CPO: variants seen among roughly 807,000 people sequenced by gnomAD.
CPO encodes carboxypeptidase O.
In CPO, 43 loss-of-function variants were observed where a neutral mutation model predicts 41.2. The observed-to-expected ratio is 1.04, with a 90% CI of 0.82 to 1.35. The LOEUF (loss-of-function observed/expected upper bound fraction) is 1.35. CPO is among the 40% of genes most tolerant of loss of function. CPO has a pLI of 0.00. For synonymous variants in CPO, 178 were observed against 162.7 expected (o/e 1.09, Z -0.72); for missense variants, 408 against 451.7 (o/e 0.90, Z 0.88).
Position 206,960,842 on chromosome 2 carries a change from T to G in CPO, c.484-10T>G, listed in dbSNP as rs1217317913. The stretch of plus-strand genomic sequence containing the variant: ...TAGAACAGCAACATCCGTATGTTCC[T>G]CTGCTACAGGATCGTCTTTGGAGGA... On this transcript the variant is annotated splice_polypyrimidine_tract_variant and intron_variant, in intron 5 of 8. Transcript: ENST00000272852. 1.3e-6 allele frequency: 2 copies of G among 1,594,636 alleles called. No individual in the cohort carries two copies. Among genetic ancestry groups the G allele is most frequent in the East Asian group, 4.5e-5 (2 of 44,766 alleles).
At chr2:206,966,348 A>G (rs760731486) in intron 7 of CPO, among the ~76,000 whole-genome samples, 2 of 151,962 alleles carry the variant, frequency 1.3e-5, no homozygotes, top group Non-Finnish European at 1.5e-5. Flanking sequence ...ATGGAGTTCC[A>G]TTTAAAAAAA....
intron 3 of CPO, among the ~76,000 whole-genome samples, chr2:206,956,067 C>T: frequency 6.6e-6 from 1 of 152,066 alleles, no homozygotes; most frequent in East Asian, 1.9e-4. Context: ...TCAGCACAGC[C>T]AGGGGGATAA....
intron 2 of CPO, among the ~76,000 whole-genome samples, chr2:206,953,114 A>C (rs1693296146): frequency 6.6e-6 from 1 of 152,190 alleles, no homozygotes; most frequent in Non-Finnish European, 1.5e-5. Flanking sequence ...GGACACAACC[A>C]AACCATATAT....
At chr2:206,962,663 G>T in intron 7 of CPO, 49 bp downstream of exon 7, 3 of 1,459,688 alleles carry the variant, frequency 2.1e-6, no homozygotes, top group Non-Finnish European at 2.9e-6. Context: ...CAAGACCTCT[G>T]CCTTCCTTTT....
At chr2:206,952,852 TG>T (rs896874027) in intron 2 of CPO, among the ~76,000 whole-genome samples, 2 of 152,148 alleles carry the variant, frequency 1.3e-5, no homozygotes, top group African/African-American at 2.4e-5. Context: ...TCCACATGGC[TG>T]GGGAGGCCTC....
Position 206,962,397 on chromosome 2 carries a change from T to C in CPO, c.575-15T>C. On this transcript the variant is annotated splice_polypyrimidine_tract_variant and intron_variant, in intron 6 of 8. Coordinates refer to ENST00000272852, the MANE Select transcript of CPO (RefSeq NM_173077.3). ...AGATCATGCAGCCTTCTTTGTGGTT[T>C]CTTCCATATTCTAGGTATTGGTGCC... The C allele has an allele frequency of 6.2e-7, 1 of 1,611,692 alleles. No individual in the cohort carries two copies. Among genetic ancestry groups the C allele is most frequent in the Non-Finnish European group, 8.5e-7 (1 of 1,177,852 alleles).
chr2:206,941,375 T>G (rs1693027044), intron 1 of CPO, among the ~76,000 whole-genome samples: 1 of 152,106 alleles, frequency 6.6e-6, no homozygotes, highest in Non-Finnish European at 1.5e-5. Flanking sequence ...TATATAAATC[T>G]AATGGAGTAC....
intron 5 of CPO, among the ~76,000 whole-genome samples, chr2:206,960,057 A>G (rs772687933): frequency 6.6e-6 from 1 of 152,202 alleles, no homozygotes; most frequent in Non-Finnish European, 1.5e-5. Flanking sequence ...ATAAAAATTC[A>G]TGTACCAACT....
chr2:206,945,311 T>A (rs1428855591), intron 1 of CPO, among the ~76,000 whole-genome samples: 1 of 152,210 alleles, frequency 6.6e-6, no homozygotes, highest in Non-Finnish European at 1.5e-5. Context: ...TACAAAAGTT[T>A]GTACCCCAAC....
rs57046275 is a variant in CPO at position 206,966,363 on chromosome 2, T to A, written c.778-1900T>A. Among the ~76,000 whole-genome samples, 181 of 150,772 alleles carry A rather than the reference T, an allele frequency of 1.2e-3. 1 individual carries two copies. In the East Asian group the frequency reaches 0.016, roughly 13 times the overall value. ...ATGGAGTTCCATTTAAAAAAAAAAA[T>A]GGGAATTAAAAATAATTAAAAGCAA... is the stretch of plus-strand genomic sequence containing the variant. On this transcript the variant is annotated intron_variant, in intron 7 of 8. Transcript: ENST00000272852.
At chr2:206,949,196 C>A (rs1387529030) in intron 1 of CPO, among the ~76,000 whole-genome samples, 1 of 152,094 alleles carries the variant, frequency 6.6e-6, no homozygotes, top group Non-Finnish European at 1.5e-5. Context: ...TCAGTTTCTT[C>A]ATCTCTGAAA....
chr2:206,965,685 G>T (rs1387659294), intron 7 of CPO, among the ~76,000 whole-genome samples: 1 of 152,018 alleles, frequency 6.6e-6, no homozygotes, highest in Non-Finnish European at 1.5e-5. Context: ...CCATTCTGTG[G>T]GCCTGCCTCT....
chr2:206,955,356 G>A (rs1389490935), intron 2 of CPO, 107 bp from the exon 3 acceptor site: 4 of 754,088 alleles, frequency 5.3e-6, no homozygotes, highest in African/African-American at 1.7e-5. Context: ...GCAATCTAGA[G>A]CAAAGATAAC....
rs1222233899 is a variant in CPO, at chr2:206,959,522, G to A, written c.373-109G>A. ...CGGAGGAGGGCTTGGGGACTGGAGG[G>A]TGGAGGTGTGATGTACAGTCACCTC... On this transcript the variant is annotated intron_variant, in intron 4 of 8. Coordinates refer to ENST00000272852, the MANE Select transcript of CPO (RefSeq NM_173077.3). The A allele has an allele frequency of 1.4e-5, 9 of 629,070 alleles. No homozygotes were observed. In the East Asian group the frequency reaches 2.5e-4, roughly 17 times the overall value. The allele number at this position is 629,070 out of a possible 1,614,324, so 39.0% of individuals were successfully genotyped here. A position where few individuals can be genotyped will look rare whatever the true frequency, so the allele number is the denominator to read the frequency against.
intron 6 of CPO, among the ~76,000 whole-genome samples, chr2:206,961,234 A>G (rs1183556369): frequency 6.6e-6 from 1 of 152,054 alleles, no homozygotes; most frequent in Non-Finnish European, 1.5e-5. Flanking sequence ...ATGAATTATC[A>G]TAAAGAAAAG....
At chr2:206,939,692 C>T in intron 1 of CPO, 25 bp downstream of exon 1, 1 of 1,587,650 alleles carries the variant, frequency 6.3e-7, no homozygotes, top group Non-Finnish European at 8.6e-7. Context: ...GGAAGAGGAA[C>T]TGATTATTAT....
At position 206,959,742 on chromosome 2, in the gene CPO, G is replaced by GT. The variant is rs780098610; in HGVS notation, c.483+2dup. ...TGGTTATATCTACACTTGGACAACT[G>GT]TGAGTACACCATGTTTGGTCCTGGG... On this transcript the variant is annotated splice_donor_variant, in intron 5 of 8. Transcript: ENST00000272852. LOFTEE classifies it high-confidence loss of function. 4 of 1,311,358 alleles carry GT rather than the reference G, an allele frequency of 3.1e-6. No homozygotes were observed. Among genetic ancestry groups the GT allele is most frequent in the Non-Finnish European group, 4.4e-6 (4 of 905,362 alleles). The allele number at this position is 1,311,358 out of a possible 1,614,324, so 81.2% of individuals were successfully genotyped here.
intron 2 of CPO, among the ~76,000 whole-genome samples, chr2:206,954,503 T>C (rs1693322768): frequency 6.6e-6 from 1 of 152,162 alleles, no homozygotes; most frequent in Non-Finnish European, 1.5e-5. Context: ...AGTATTTTGG[T>C]CAAAGCCATT....
intron 1 of CPO, among the ~76,000 whole-genome samples, chr2:206,945,451 C>T (rs1693124490): frequency 2.0e-5 from 3 of 152,138 alleles, no homozygotes; most frequent in Admixed American, 1.3e-4. Context: ...TTACATAGGG[C>T]ATTTAAACTA....
Sources: gnomAD v4.1 joint callset for allele counts (sites outside exome capture counted in the v4.1 genomes callset) on GRCh38, gnomAD v4.1.1 for gene constraint, MANE v1.5 for transcripts, NCBI Gene and HGNC (gene_info 2026-07-23, HGNC 2026-07-21) for gene names.